The following DISP3 variants were observed in gnomAD, a reference collection of about 807,000 sequenced individuals.
DISP3 encodes protein dispatched homolog 3.
DISP3 carries 101 observed loss-of-function variants against 135.3 expected under a neutral mutation model. The ratio of observed to expected loss-of-function variants is 0.75; its 90% confidence interval spans 0.64 to 0.88. DISP3 has a LOEUF of 0.88. DISP3 is among the 40% of genes least tolerant of loss of function. The probability of loss-of-function intolerance (pLI) is 0.00; values close to 1 mark genes in which losing one functional copy is unlikely to be tolerated. For synonymous variants in DISP3, 856 were observed against 817.0 expected (o/e 1.05, Z -0.81); for missense variants, 1,713 against 1,878.6 (o/e 0.91, Z 1.63).
intron 18 of DISP3, 84 bp downstream of exon 18, chr1:11,534,624 C>T (rs2817628): frequency 0.15 from 218,270 of 1,484,456 alleles, 18,266 homozygotes; most frequent in East Asian, 0.42. Context: ...CGGCCTGAGT[C>T]ACAATCTCCA....
At position 11,501,169 on chromosome 1, in the gene DISP3, C is replaced by T. The variant is rs767260050; in HGVS notation, c.177C>T (p.Gly59=). The change falls in exon 2 of 21, where the codon GGC becomes GGT. Residue 59 remains glycine (G), a synonymous_variant. Transcript: ENST00000294484. This position sits in a 1 kb window ranked among gnomAD's most constrained non-coding sequence, Gnocchi z 4.9. ...WPLASRPPAS[G]FWSTLGWAFT... ...TGGCTTCCCGACCCCCAGCTTCGGGCTTCTGGAGTACCCTGGGCTGGGCCT... is the reference window on the plus strand; with the variant it reads ...TGGCTTCCCGACCCCCAGCTTCGGGTTTCTGGAGTACCCTGGGCTGGGCCT... The T allele has an allele frequency of 2.5e-6, 4 of 1,613,940 alleles. No homozygotes were observed. Among genetic ancestry groups the T allele is most frequent in the Non-Finnish European group, 3.4e-6 (4 of 1,179,974 alleles).
At chr1:11,500,380 T>C (rs1282707526) in intron 1 of DISP3, among the ~76,000 whole-genome samples, 1 of 152,166 alleles carries the variant, frequency 6.6e-6, no homozygotes, top group African/African-American at 2.4e-5. Context: ...GCAGAGTACT[T>C]CCACCTTTGA....
intron 4 of DISP3, 144 bp from the exon 5 acceptor site, chr1:11,515,225 T>C (rs1641973703): frequency 8.2e-7 from 1 of 1,224,478 alleles, no homozygotes; most frequent in African/African-American, 1.6e-5. Context: ...GAATTGGCCC[T>C]GTGCCTGTGC....
In DISP3 at chr1:11,520,602, C is replaced by T; in HGVS notation, c.2201-85C>T. ...GACACCCGCCCCCCAACAACCAGAG[C>T]AGTTGTCTCCCGGCACTTTGGAGCC... On this transcript the variant is annotated intron_variant, in intron 9 of 20. Transcript: ENST00000294484. The surrounding 1 kb of genome is among the most constrained non-coding windows in gnomAD (Gnocchi z 4.8). 5 of 1,467,158 alleles carry T rather than the reference C, an allele frequency of 3.4e-6. No homozygotes were observed. The highest frequency in any genetic ancestry group is 4.7e-6 in the Non-Finnish European group (5 of 1,073,052). 90.9% of individuals were successfully genotyped at this position (1,467,158 alleles called of 1,614,324 possible). A position where few individuals can be genotyped will look rare whatever the true frequency, so the allele number is the denominator to read the frequency against.
chr1:11,528,899 GC>G (rs1048438346), intron 13 of DISP3, among the ~76,000 whole-genome samples: 3 of 152,230 alleles, frequency 2.0e-5, no homozygotes, highest in Non-Finnish European at 4.4e-5. Flanking sequence ...CCAGGGAATG[GC>G]AGGACAGCCA....
At chr1:11,530,107 C>T (rs1642538459) in intron 15 of DISP3, 148 bp downstream of exon 15, 1 of 1,102,702 alleles carries the variant, frequency 9.1e-7, no homozygotes, top group Admixed American at 2.9e-5. Flanking sequence ...CCCTATGGGC[C>T]CCTGGGGGTC....
chr1:11,511,100 G>A (rs1012307421), intron 3 of DISP3, among the ~76,000 whole-genome samples: 2 of 152,200 alleles, frequency 1.3e-5, no homozygotes, highest in African/African-American at 4.8e-5. Flanking sequence ...CAACACATGG[G>A]AATTCTGGGA....
rs576521078 is a variant in DISP3, at chr1:11,534,127, C to T, written c.3376-254C>T. ...CATGCACTCTGTGTGGACAGGAGAG[C>T]ATGGGGAGCCCTAGGAGCTGAAGGG... On this transcript the variant is annotated intron_variant, in intron 17 of 20. Coordinates refer to ENST00000294484, the MANE Select transcript of DISP3 (RefSeq NM_020780.2). 2.0e-5 allele frequency among the ~76,000 whole-genome samples: 3 copies of T among 152,360 alleles called. No homozygotes were observed. In the South Asian group the frequency reaches 6.2e-4, roughly 32 times the overall value.
intron 1 of DISP3, among the ~76,000 whole-genome samples, chr1:11,496,584 T>G (rs1049136431): frequency 4.6e-5 from 7 of 152,220 alleles, no homozygotes; most frequent in Admixed American, 4.6e-4. Context: ...CTGGAGCTCC[T>G]TGCTAAGCTA....
intron 1 of DISP3, among the ~76,000 whole-genome samples, chr1:11,480,570 C>T (rs1570041886): frequency 6.6e-6 from 1 of 152,032 alleles, no homozygotes; most frequent in East Asian, 1.9e-4. Flanking sequence ...ACTGACTAAG[C>T]CCCAGATTCC....
In DISP3 at chr1:11,501,576, C is replaced by T. The variant is rs756732531; in HGVS notation, c.584C>T (p.Pro195Leu). 46 of 1,591,992 alleles carry T rather than the reference C, an allele frequency of 2.9e-5. No homozygotes were observed. Among genetic ancestry groups the T allele is most frequent in the Non-Finnish European group, 3.9e-5 (46 of 1,167,316 alleles). The change falls in exon 2 of 21, where the codon CCC becomes CTC. Residue 195 changes from proline to leucine, a missense_variant. Physicochemically the swap from Pro to Leu is moderately conservative, Grantham distance 98 (BLOSUM62 -3). Around this residue, in one of 2 missense-constraint regions of DISP3, gnomAD observed 571 missense variants for 494.1 expected, o/e 1.16. Transcript: ENST00000294484. This position sits in a 1 kb window ranked among gnomAD's most constrained non-coding sequence, Gnocchi z 4.9. ...PYRDTSAAQK[P>L]TANRSGRLRR... Reference sequence around the variant, plus strand: ...CGGGACACTTCCGCGGCTCAAAAGCCCACAGCCAATCGGAGCGGGCGACTT... The same window carrying T: ...CGGGACACTTCCGCGGCTCAAAAGCTCACAGCCAATCGGAGCGGGCGACTT...
intron 4 of DISP3, among the ~76,000 whole-genome samples, chr1:11,515,144 A>C (rs1361527737): frequency 2.0e-5 from 3 of 152,248 alleles, no homozygotes; most frequent in African/African-American, 7.2e-5. Context: ...TCTTGAGGTA[A>C]GGTCTGCAAA....
At position 11,529,453 on chromosome 1, in the gene DISP3, C is replaced by G. The variant is rs951290798; in HGVS notation, c.2799-103C>G. On this transcript the variant is annotated intron_variant, in intron 13 of 20. Transcript: ENST00000294484. The surrounding 1 kb of genome is among the most constrained non-coding windows in gnomAD (Gnocchi z 4.7). Reference sequence around the variant, plus strand: ...CCGGGGCAGAGCCCGAGTCCAGACCCCATGACACCCCAGCCCCAGTCCCAA... The same window carrying G: ...CCGGGGCAGAGCCCGAGTCCAGACCGCATGACACCCCAGCCCCAGTCCCAA... 4 of 1,370,616 alleles carry G rather than the reference C, an allele frequency of 2.9e-6. No individual in the cohort carries two copies. The highest frequency in any genetic ancestry group is 2.3e-5 in the East Asian group (1 of 42,764). 84.9% of individuals were successfully genotyped at this position (1,370,616 alleles called of 1,614,324 possible).
chr1:11,484,459 G>A (rs1640982880), intron 1 of DISP3, among the ~76,000 whole-genome samples: 1 of 152,230 alleles, frequency 6.6e-6, no homozygotes, highest in Non-Finnish European at 1.5e-5. Flanking sequence ...ACCAGCAGAG[G>A]CTGTGTGTCT....
chr1:11,504,091 AC>A (rs968962871), intron 3 of DISP3, among the ~76,000 whole-genome samples: 1 of 152,130 alleles, frequency 6.6e-6, no homozygotes, highest in Non-Finnish European at 1.5e-5. Flanking sequence ...CATTCCTTCC[AC>A]TGCTTATCCT....
intron 13 of DISP3, among the ~76,000 whole-genome samples, chr1:11,527,345 C>T (rs556627870): frequency 8.3e-4 from 127 of 152,162 alleles, no homozygotes; most frequent in African/African-American, 2.6e-3. Flanking sequence ...GTCAGCCGAT[C>T]GAGACCATCC....
chr1:11,499,658 T>C lies in DISP3; in HGVS notation c.-3-1332T>C, dbSNP rs942901119. On this transcript the variant is annotated intron_variant, in intron 1 of 20. Transcript: ENST00000294484. The surrounding 1 kb of genome is among the most constrained non-coding windows in gnomAD (Gnocchi z 5.2). ...CACATCCTCAGTCATTCTTCCTTTC[T>C]GTTTCTTCTTTTGTTTCCCTATTTG... Among the ~76,000 whole-genome samples the C allele has an allele frequency of 4.6e-5, 7 of 152,106 alleles. No homozygotes were observed. The highest frequency in any genetic ancestry group is 7.4e-5 in the Non-Finnish European group (5 of 68,010).
intron 1 of DISP3, among the ~76,000 whole-genome samples, chr1:11,498,484 G>A (rs569581029): frequency 6.6e-6 from 1 of 152,172 alleles, no homozygotes; most frequent in Admixed American, 6.5e-5. Flanking sequence ...CGTCCGAAGA[G>A]AGCCAGAAGG....
intron 3 of DISP3, among the ~76,000 whole-genome samples, chr1:11,503,158 A>T (rs917992259): frequency 1.3e-5 from 2 of 152,166 alleles, no homozygotes; most frequent in African/African-American, 4.8e-5. Flanking sequence ...GGTCTTGGGT[A>T]TTGATTTTTC....
Sources: gnomAD v4.1 joint callset for allele counts (sites outside exome capture counted in the v4.1 genomes callset) on GRCh38, gnomAD v4.1.1 for gene constraint, gnomAD v4.1.1 regional missense constraint, Gnocchi (gnomAD v3.1) non-coding constraint, MANE v1.5 for transcripts, NCBI Gene and HGNC (gene_info 2026-07-23, HGNC 2026-07-21) for gene names.